Variants in RBFOX1 observed in about 807,000 individuals in gnomAD.
RBFOX1 encodes the protein RNA binding fox-1 homolog 1, also known as RNA binding protein fox-1 homolog 1.
Under a neutral mutation model 57.7 loss-of-function variants are expected in RBFOX1, and 8 were observed. That is an observed-to-expected ratio of 0.14 (90% CI 0.08 to 0.25). RBFOX1 has a LOEUF of 0.25. Among genes scored for constraint, RBFOX1 ranks in the 10% least tolerant of loss-of-function variants. RBFOX1 has a pLI of 1.00. For missense variants in RBFOX1, 611 were observed against 548.5 expected (o/e 1.11, Z -1.14); for synonymous variants, 326 against 222.4 (o/e 1.47, Z -4.15).
intron 4 of RBFOX1, among the ~76,000 whole-genome samples, chr16:7,401,195 T>C (rs2098236756): frequency 6.6e-6 from 1 of 152,242 alleles, no homozygotes. Flanking sequence ...GCATTTATTT[T>C]TCATCACACA....
intron 1 of RBFOX1, among the ~76,000 whole-genome samples, chr16:5,445,734 C>A (rs1031102072): frequency 1.3e-5 from 2 of 152,196 alleles, no homozygotes; most frequent in South Asian, 4.1e-4. Flanking sequence ...CATATTTATT[C>A]ATTTAACTCA....
At chr16:6,109,901 C>G (rs1420863626) in intron 1 of RBFOX1, among the ~76,000 whole-genome samples, 3 of 152,126 alleles carry the variant, frequency 2.0e-5, no homozygotes, top group African/African-American at 7.2e-5. Context: ...TGAACTGAAT[C>G]AAATGCAGAG....
At chr16:6,310,822 T>A (rs7196427) in intron 1 of RBFOX1, among the ~76,000 whole-genome samples, 1 of 151,754 alleles carries the variant, frequency 6.6e-6, no homozygotes, top group Non-Finnish European at 1.5e-5. Context: ...GTGGGGAACA[T>A]GGCATGATTC....
In RBFOX1 at chr16:6,075,030, C is replaced by T. The variant is rs140904741; in HGVS notation, c.-127+55038C>T. Among the ~76,000 whole-genome samples, 715 of 152,246 alleles carry T rather than the reference C, an allele frequency of 4.7e-3. 7 individuals carry two copies. Among genetic ancestry groups the T allele is most frequent in the African/African-American group, 0.016 (665 of 41,546 alleles). On this transcript the variant is annotated intron_variant, in intron 1 of 15. Coordinates refer to ENST00000550418, the MANE Select transcript of RBFOX1 (RefSeq NM_018723.4). Reference sequence around the variant, plus strand: ...GTGCCCACCCTGAATATCTGGAACACGAACCTCCAGAACAGAGAGGGGGTT... The same window carrying T: ...GTGCCCACCCTGAATATCTGGAACATGAACCTCCAGAACAGAGAGGGGGTT...
chr16:6,926,391 AC>A (rs1256610964), intron 3 of RBFOX1, among the ~76,000 whole-genome samples: 5 of 152,164 alleles, frequency 3.3e-5, no homozygotes, highest in African/African-American at 1.2e-4. Flanking sequence ...TGCAGAAAGT[AC>A]CCACTGGGAT....
intron 3 of RBFOX1, among the ~76,000 whole-genome samples, chr16:6,863,262 G>A (rs924113368): frequency 6.6e-6 from 1 of 152,100 alleles, no homozygotes; most frequent in Non-Finnish European, 1.5e-5. Flanking sequence ...GGTTGGAGAC[G>A]AAGTATCTTC....
Position 7,702,086 on chromosome 16 carries a change from C to T in RBFOX1, c.996-6970C>T, listed in dbSNP as rs892275805. Among the ~76,000 whole-genome samples, 5 of 152,186 alleles carry T rather than the reference C, an allele frequency of 3.3e-5. No homozygotes were observed. In the South Asian group the frequency reaches 6.2e-4, roughly 19 times the overall value. On this transcript the variant is annotated intron_variant, in intron 14 of 15. Coordinates refer to ENST00000550418, the MANE Select transcript of RBFOX1 (RefSeq NM_018723.4). ...GGCTCTTCTCCTGCAAGATTAAAATCTTGGCCATAATTACCCCAACATTTT... is the reference window on the plus strand; with the variant it reads ...GGCTCTTCTCCTGCAAGATTAAAATTTTGGCCATAATTACCCCAACATTTT...
At chr16:7,567,775 C>T (rs1439745412) in intron 5 of RBFOX1, among the ~76,000 whole-genome samples, 1 of 147,256 alleles carries the variant, frequency 6.8e-6, no homozygotes, top group Non-Finnish European at 1.5e-5. Context: ...ATATCCCTCT[C>T]TATATATATC....
At chr16:6,800,696 G>C (rs1051952343) in intron 3 of RBFOX1, among the ~76,000 whole-genome samples, 1 of 152,018 alleles carries the variant, frequency 6.6e-6, no homozygotes, top group African/African-American at 2.4e-5. Flanking sequence ...TAGGCCCGTG[G>C]ACGTTCAGTT....
chr16:7,483,268 T>C (rs2064485163), intron 4 of RBFOX1, among the ~76,000 whole-genome samples: 1 of 152,208 alleles, frequency 6.6e-6, no homozygotes, highest in African/African-American at 2.4e-5. Context: ...AAGTAAATCG[T>C]TGCAATACTT....
At chr16:5,966,897 C>A (rs950367962) in intron 4 of RBFOX1, among the ~76,000 whole-genome samples, 3 of 146,970 alleles carry the variant, frequency 2.0e-5, no homozygotes, top group African/African-American at 7.5e-5. Context: ...TCTTCCCAAA[C>A]AGCCTTTGTT....
chr16:6,929,210 C>G (rs1288793366), intron 3 of RBFOX1, among the ~76,000 whole-genome samples: 3 of 152,130 alleles, frequency 2.0e-5, no homozygotes, highest in Admixed American at 6.6e-5. Flanking sequence ...CAAGTGTGTT[C>G]TTAACTGCTT....
At chr16:5,376,697 G>A (rs115130742) in intron 1 of RBFOX1, among the ~76,000 whole-genome samples, 1,499 of 147,400 alleles carry the variant, frequency 0.01, 100 homozygotes, top group African/African-American at 0.039. Flanking sequence ...TTGTCCCCTT[G>A]GAACTCATCG....
chr16:7,527,611 C>G (rs2078992382), intron 5 of RBFOX1, among the ~76,000 whole-genome samples: 1 of 152,072 alleles, frequency 6.6e-6, no homozygotes, highest in South Asian at 2.1e-4. Context: ...ATTTTCATTC[C>G]CATTCTGTCT....
chr16:6,644,489 A>G (rs2098517501), intron 2 of RBFOX1, among the ~76,000 whole-genome samples: 1 of 152,218 alleles, frequency 6.6e-6, no homozygotes, highest in Admixed American at 6.5e-5. Flanking sequence ...TGGGCTTGTC[A>G]GATGAACCTT....
chr16:5,303,938 G>T lies in RBFOX1; in HGVS notation c.219+63833G>T, dbSNP rs538003225. Among the ~76,000 whole-genome samples the T allele has an allele frequency of 9.2e-5, 14 of 152,190 alleles. No individual in the cohort carries two copies. In the South Asian group the frequency reaches 2.1e-3, roughly 23 times the overall value. ...GGCACCGTGGGAGTACCTGAGTTTG[G>T]ATCCATAAATACAAAACAGGAAATC... On this transcript the variant is annotated intron_variant, in intron 1 of 2. Coordinates refer to the RBFOX1 transcript ENST00000585867.
intron 4 of RBFOX1, among the ~76,000 whole-genome samples, chr16:7,209,698 C>G (rs1370992976): frequency 2.0e-5 from 3 of 152,170 alleles, no homozygotes; most frequent in Non-Finnish European, 4.4e-5. Flanking sequence ...TTGCTGGTTC[C>G]CTATATGCCT....
chr16:7,362,780 G>T (rs1033215423), intron 4 of RBFOX1, among the ~76,000 whole-genome samples: 2 of 152,178 alleles, frequency 1.3e-5, no homozygotes, highest in Admixed American at 6.5e-5. Flanking sequence ...GCGTATATGT[G>T]TGTGTGTGCA....
chr16:6,293,348 A>G (rs2152726321), intron 1 of RBFOX1, among the ~76,000 whole-genome samples: 1 of 152,162 alleles, frequency 6.6e-6, no homozygotes, highest in East Asian at 1.9e-4. Context: ...TCTGCCATGC[A>G]ACTGTTCTTC....
Sources: allele counts gnomAD v4.1 joint callset (sites outside exome capture counted in the v4.1 genomes callset), GRCh38; gene constraint gnomAD v4.1.1; transcripts MANE v1.5; gene names NCBI Gene and HGNC (gene_info 2026-07-23, HGNC 2026-07-21).